The following GALNT14 variants were observed in gnomAD, a reference collection of about 807,000 sequenced individuals.
The protein encoded by GALNT14 is polypeptide N-acetylgalactosaminyltransferase 14.
GALNT14 carries 60 observed loss-of-function variants against 77.5 expected under a neutral mutation model. The observed-to-expected ratio is 0.77, with a 90% CI of 0.63 to 0.96. The LOEUF (loss-of-function observed/expected upper bound fraction) is 0.96, where lower values mean the gene tolerates loss of function less well. Among genes scored for constraint, GALNT14 ranks in the 40% least tolerant of loss-of-function variants. GALNT14 has a pLI of 0.00. For synonymous variants in GALNT14, 280 were observed against 281.7 expected, an observed-to-expected ratio of 0.99 and a Z score of 0.06; for missense variants, 710 against 731.0, an observed-to-expected ratio of 0.97 and a Z score of 0.33.
chr2:30,949,881 C>T (rs1247219394), intron 6 of GALNT14, among the ~76,000 whole-genome samples: 1 of 152,078 alleles, frequency 6.6e-6, no homozygotes, highest in Non-Finnish European at 1.5e-5. Context: ...CTAAGCTGGC[C>T]TGAAGGGAGG....
At chr2:31,020,923 C>T (rs1031068868) in intron 1 of GALNT14, among the ~76,000 whole-genome samples, 2 of 152,218 alleles carry the variant, frequency 1.3e-5, no homozygotes, top group Admixed American at 1.3e-4. Flanking sequence ...TACGCCTCTC[C>T]AGGAATGAAA....
In GALNT14 at chr2:31,063,309, A is replaced by G. The variant is rs190006019; in HGVS notation, c.130-70302T>C. Among the ~76,000 whole-genome samples the G allele has an allele frequency of 1.5e-3, 222 of 152,314 alleles. 1 individual carries two copies. The highest frequency in any genetic ancestry group is 5.2e-3 in the African/African-American group (217 of 41,554). On this transcript the variant is annotated intron_variant, in intron 1 of 14. Transcript: ENST00000349752. ...CCAGTTTTCCCAGCACCATTTATCA[A>G]ATAGGGAATCCTTTCCCCTTTGCTT... is the stretch of plus-strand genomic sequence containing the variant.
chr2:30,920,062 C>T (rs562305272), intron 13 of GALNT14, among the ~76,000 whole-genome samples: 2 of 152,296 alleles, frequency 1.3e-5, no homozygotes, highest in East Asian at 3.9e-4. Context: ...TTAATGTTTA[C>T]AACCTAGAAG....
the GALNT14 span, among the ~76,000 whole-genome samples, chr2:30,902,768 G>A: frequency 6.6e-6 from 1 of 152,174 alleles, no homozygotes; most frequent in African/African-American, 2.4e-5. Context: ...ATAAAGAAGA[G>A]ATAAGTTTCT....
intron 1 of GALNT14, among the ~76,000 whole-genome samples, chr2:31,135,932 T>C (rs1679210090): frequency 1.3e-5 from 2 of 151,678 alleles, no homozygotes; most frequent in African/African-American, 4.9e-5. Flanking sequence ...GGACAAAGAG[T>C]GCACAAAGAA....
At chr2:31,025,857 C>A (rs539239021) in intron 1 of GALNT14, among the ~76,000 whole-genome samples, 42 of 152,328 alleles carry the variant, frequency 2.8e-4, no homozygotes, top group African/African-American at 1.0e-3. Flanking sequence ...GTAACTCAGG[C>A]AGGCCTTCTA....
At chr2:31,021,098 G>C (rs17010574) in intron 1 of GALNT14, among the ~76,000 whole-genome samples, 3,668 of 152,140 alleles carry the variant, frequency 0.024, 147 homozygotes, top group African/African-American at 0.085. Context: ...GGAGCCAAGA[G>C]AGACTCAAAC....
rs925716745 is a variant in GALNT14, at chr2:31,107,221, C to G, written c.129+30737G>C. ...TGAATCAAAGCAGGCCCAGGAGGTA[C>G]GTTTCTTCAGTTTTGCTCACCCTAG... On this transcript the variant is annotated intron_variant, in intron 1 of 14. Transcript: ENST00000349752. Among the ~76,000 whole-genome samples the G allele has an allele frequency of 2.0e-5, 3 of 152,118 alleles. No individual in the cohort carries two copies. The South Asian group carries it at 6.2e-4, about 32-fold the overall frequency.
chr2:31,100,592 G>T (rs1300891455), intron 1 of GALNT14, among the ~76,000 whole-genome samples: 1 of 151,828 alleles, frequency 6.6e-6, no homozygotes, highest in Non-Finnish European at 1.5e-5. Flanking sequence ...GCAATGAGGA[G>T]TAACAGTACT....
intron 1 of GALNT14, among the ~76,000 whole-genome samples, chr2:31,026,375 A>T (rs1192026045): frequency 6.6e-6 from 1 of 152,146 alleles, no homozygotes; most frequent in Non-Finnish European, 1.5e-5. Context: ...CAAGAAGGAG[A>T]ATTACTTTCT....
chr2:30,966,312 G>A lies in GALNT14; in HGVS notation c.300-10C>T. The A allele has an allele frequency of 6.2e-7, 1 of 1,600,192 alleles. No individual in the cohort carries two copies. Among genetic ancestry groups the A allele is most frequent in the South Asian group, 1.1e-5 (1 of 90,732 alleles). The stretch of plus-strand genomic sequence containing the variant: ...CACCAGCAGTGTGCATCTGGGGAAG[G>A]AAAGGCACAGGGCAAGTGAGACCTT... On this transcript the variant is annotated splice_polypyrimidine_tract_variant and intron_variant, in intron 2 of 14. Transcript: ENST00000349752.
intron 1 of GALNT14, among the ~76,000 whole-genome samples, chr2:31,114,469 A>C (rs1677998687): frequency 6.6e-6 from 1 of 152,194 alleles, no homozygotes; most frequent in South Asian, 2.1e-4. Context: ...GGGAATAAAA[A>C]TCATGATTTT....
At chr2:30,943,446 C>T (rs1391181575) in intron 8 of GALNT14, among the ~76,000 whole-genome samples, 1 of 152,152 alleles carries the variant, frequency 6.6e-6, no homozygotes, top group Non-Finnish European at 1.5e-5. Context: ...GTCAGAAGCC[C>T]AGGTCTCCTG....
chr2:30,953,002 A>C (rs529148414), intron 6 of GALNT14, among the ~76,000 whole-genome samples: 1 of 152,278 alleles, frequency 6.6e-6, no homozygotes, highest in South Asian at 2.1e-4. Context: ...AATCCCCTGT[A>C]AACAGAGACA....
intron 2 of GALNT14, among the ~76,000 whole-genome samples, chr2:30,977,256 A>T (rs1461334776): frequency 2.0e-5 from 3 of 151,890 alleles, no homozygotes; most frequent in Non-Finnish European, 2.9e-5. Context: ...TGCCCAGCCA[A>T]TTTTTTGTAT....
In GALNT14 at chr2:31,060,772, G is replaced by A. The variant is rs1674542408; in HGVS notation, c.130-67765C>T. ...TCCAAGGGAAGCCAGTGAGGGGCCCGAAGACAGCCAATTCTGCAGAACCAC... is the reference window on the plus strand; with the variant it reads ...TCCAAGGGAAGCCAGTGAGGGGCCCAAAGACAGCCAATTCTGCAGAACCAC... On this transcript the variant is annotated intron_variant, in intron 1 of 14. Coordinates refer to ENST00000349752, the MANE Select transcript of GALNT14 (RefSeq NM_024572.4). Among the ~76,000 whole-genome samples the A allele has an allele frequency of 2.0e-5, 3 of 152,122 alleles. No individual in the cohort carries two copies. The South Asian group carries it at 6.2e-4, about 32-fold the overall frequency.
chr2:30,954,827 T>G (rs1023873020), intron 6 of GALNT14, among the ~76,000 whole-genome samples: 1 of 152,282 alleles, frequency 6.6e-6, no homozygotes, highest in East Asian at 1.9e-4. Flanking sequence ...GTGATATAAT[T>G]GCCCTGACTG....
At position 30,924,109 on chromosome 2, in the gene GALNT14, G is replaced by A; in HGVS notation, c.1380+10C>T. On this transcript the variant is annotated intron_variant, in intron 13 of 14. Transcript: ENST00000349752. ...ACACATGGTCCTGTATGCCCAGCCA[G>A]TTACTTTACCTGGGACTTTGCATCT... 1 of 1,614,230 alleles carries A rather than the reference G, an allele frequency of 6.2e-7. No homozygotes were observed. Among genetic ancestry groups the A allele is most frequent in the Non-Finnish European group, 8.5e-7 (1 of 1,180,026 alleles).
Position 31,069,995 on chromosome 2 carries a change from G to A in GALNT14, c.129+67963C>T, listed in dbSNP as rs533181330. The stretch of plus-strand genomic sequence containing the variant: ...GAGGAGGAGGATGGCTTAATCAACC[G>A]GGGGCAAAGTCACAATCCTTCCTGT... On this transcript the variant is annotated intron_variant, in intron 1 of 14. Coordinates refer to ENST00000349752, the MANE Select transcript of GALNT14 (RefSeq NM_024572.4). 7.2e-5 allele frequency among the ~76,000 whole-genome samples: 11 copies of A among 152,142 alleles called. No individual in the cohort carries two copies. The South Asian group carries it at 8.4e-4, about 12-fold the overall frequency.
Sources: gnomAD v4.1 joint callset for allele counts (sites outside exome capture counted in the v4.1 genomes callset) on GRCh38, gnomAD v4.1.1 for gene constraint, MANE v1.5 for transcripts, NCBI Gene and HGNC (gene_info 2026-07-23, HGNC 2026-07-21) for gene names.